GNB1L: variants seen among roughly 807,000 people sequenced by gnomAD.
The protein encoded by GNB1L is G protein subunit beta 1 like, also known as guanine nucleotide-binding protein subunit beta-like protein 1.
GNB1L carries 20 observed loss-of-function variants against 29.1 expected under a neutral mutation model. The ratio of observed to expected loss-of-function variants is 0.69; its 90% CI spans 0.48 to 1.00. The LOEUF (loss-of-function observed/expected upper bound fraction) is 1.00, where lower values mean the gene tolerates loss of function less well. Among genes scored for constraint, GNB1L ranks in the 50% least tolerant of loss-of-function variants. The pLI is 0.00. For synonymous variants in GNB1L, 193 were observed against 206.5 expected (o/e 0.93, Z 0.56); for missense variants, 421 against 464.9 (o/e 0.91, Z 0.87).
At chr22:19,836,333 G>C (rs1937764389) in intron 2 of GNB1L, among the ~76,000 whole-genome samples, 1 of 152,018 alleles carries the variant, frequency 6.6e-6, no homozygotes, top group African/African-American at 2.4e-5. Context: ...TGTGAAGAAA[G>C]AGAAGACCTG....
intron 2 of GNB1L, chr22:19,851,946 T>C: frequency 7.4e-6 from 12 of 1,613,954 alleles, no homozygotes; most frequent in Non-Finnish European, 9.3e-6. Context: ...CCATCAAAGG[T>C]GCCTGGGTCT....
intron 2 of GNB1L, among the ~76,000 whole-genome samples, chr22:19,839,482 G>T (rs1226458354): frequency 1.3e-5 from 2 of 152,150 alleles, no homozygotes; most frequent in African/African-American, 4.8e-5. Flanking sequence ...AGTGGTTCAT[G>T]CCTCTAATCC....
intron 7 of GNB1L, among the ~76,000 whole-genome samples, chr22:19,794,640 A>G (rs997956972): frequency 1.3e-5 from 2 of 152,252 alleles, no homozygotes; most frequent in African/African-American, 4.8e-5. Flanking sequence ...GTCAATAATT[A>G]CAGTGAATGC....
At position 19,802,135 on chromosome 22, in the gene GNB1L, CCTT is replaced by C. The variant is rs879229900; in HGVS notation, c.595_597del (p.Lys199del). On this transcript the variant is annotated inframe_deletion, in exon 7 of 8. Transcript: ENST00000329517. Reference sequence around the variant, plus strand: ...TCATGGCAGGCGATGCGGCTGCACACCTTCTGCTCAGAGACGTCCCACAGGACC... The same window carrying C: ...TCATGGCAGGCGATGCGGCTGCACACCTGCTCAGAGACGTCCCACAGGACC... 6.2e-7 allele frequency: 1 copy of C among 1,613,340 alleles called. No individual in the cohort carries two copies. The highest frequency in any genetic ancestry group is 8.5e-7 in the Non-Finnish European group (1 of 1,180,012).
chr22:19,832,999 G>A (rs575597307), intron 2 of GNB1L, among the ~76,000 whole-genome samples: 19 of 152,352 alleles, frequency 1.2e-4, no homozygotes, highest in Admixed American at 9.8e-4. Context: ...CACAGCCCAC[G>A]GAGGGCGAGA....
intron 2 of GNB1L, chr22:19,849,732 C>T: frequency 1.0e-6 from 1 of 985,414 alleles, no homozygotes; most frequent in Non-Finnish European, 1.2e-6. Flanking sequence ...GGCTGTATTT[C>T]CAATTCACAT....
At chr22:19,830,856 G>A (rs1283661928) in intron 2 of GNB1L, among the ~76,000 whole-genome samples, 1 of 152,142 alleles carries the variant, frequency 6.6e-6, no homozygotes, top group Non-Finnish European at 1.5e-5. Flanking sequence ...GAAATAGAAA[G>A]CCTAGAAATA....
chr22:19,800,969 G>A (rs1937363489), intron 7 of GNB1L, among the ~76,000 whole-genome samples: 1 of 152,226 alleles, frequency 6.6e-6, no homozygotes, highest in South Asian at 2.1e-4. Context: ...AGGCGCAGCA[G>A]GCTTGCTGGG....
intron 4 of GNB1L, among the ~76,000 whole-genome samples, 178 bp from the exon 5 acceptor site, chr22:19,812,625 T>C (rs1319132824): frequency 6.6e-6 from 1 of 152,178 alleles, no homozygotes; most frequent in Non-Finnish European, 1.5e-5. Context: ...CATTGACACT[T>C]GAGCCAGCAC....
chr22:19,817,800 TG>T (rs1432176920), intron 4 of GNB1L, among the ~76,000 whole-genome samples: 1 of 152,120 alleles, frequency 6.6e-6, no homozygotes, highest in Non-Finnish European at 1.5e-5. Context: ...GACTGGAAGG[TG>T]GTTGCTCAGG....
chr22:19,810,221 G>A (rs909087475), intron 5 of GNB1L, among the ~76,000 whole-genome samples: 1 of 152,150 alleles, frequency 6.6e-6, no homozygotes, highest in Non-Finnish European at 1.5e-5. Flanking sequence ...GGAGGGCTGC[G>A]GAGGAGGCAG....
At chr22:19,792,623 G>C in intron 7 of GNB1L, 1 of 1,595,996 alleles carries the variant, frequency 6.3e-7, no homozygotes, top group Non-Finnish European at 8.5e-7. Context: ...AGCAAGAGAA[G>C]AAGCAGAGAC....
chr22:19,836,536 G>A (rs548009674), intron 2 of GNB1L, among the ~76,000 whole-genome samples: 3 of 152,272 alleles, frequency 2.0e-5, no homozygotes, highest in Admixed American at 2.0e-4. Flanking sequence ...AATTTGATGA[G>A]GCTAGCACTA....
At chr22:19,854,304 A>ACCCAGGAGC (rs1938183930) in intron 2 of GNB1L, 139 bp downstream of exon 2, 1 of 152,374 alleles carries the variant, frequency 6.6e-6, no homozygotes, top group African/African-American at 2.4e-5. Context: ...CTCTGGGGAG[A>ACCCAGGAGC]CCCAGGAGCC....
chr22:19,822,071 C>A (rs1324500968), intron 2 of GNB1L, among the ~76,000 whole-genome samples: 1 of 152,120 alleles, frequency 6.6e-6, no homozygotes, highest in African/African-American at 2.4e-5. Context: ...TAGGAGGAGC[C>A]TTCCTCTCAC....
Position 19,821,208 on chromosome 22 carries a change from C to T in GNB1L, c.128+20G>A. ...TGACTTGGCCCTGGGTGGCCTGGGG[C>T]TGGGGCCACAGCTACTCACCCTGAG... On this transcript the variant is annotated intron_variant, in intron 3 of 7. Coordinates refer to ENST00000329517, the MANE Select transcript of GNB1L (RefSeq NM_053004.3). 2 of 1,601,206 alleles carry T rather than the reference C, an allele frequency of 1.2e-6. No homozygotes were observed. Among genetic ancestry groups the T allele is most frequent in the Non-Finnish European group, 1.7e-6 (2 of 1,172,454 alleles).
chr22:19,789,828 C>T (rs1429108010), intron 7 of GNB1L, among the ~76,000 whole-genome samples: 2 of 135,686 alleles, frequency 1.5e-5, no homozygotes, highest in African/African-American at 5.7e-5. Context: ...CAGAGTGAGA[C>T]CCTGTCTCAA....
chr22:19,848,087 T>G, intron 2 of GNB1L: 1 of 985,336 alleles, frequency 1.0e-6, no homozygotes, highest in Non-Finnish European at 1.2e-6. Flanking sequence ...CTATTGTGGC[T>G]TTATAAAATA....
At chr22:19,830,529 G>C (rs900986268) in intron 2 of GNB1L, among the ~76,000 whole-genome samples, 1 of 152,102 alleles carries the variant, frequency 6.6e-6, no homozygotes, top group Non-Finnish European at 1.5e-5. Context: ...TCTCTTGGAA[G>C]ACACAAAAGT....
Sources: gnomAD v4.1 joint callset for allele counts (sites outside exome capture counted in the v4.1 genomes callset) on GRCh38, gnomAD v4.1.1 for gene constraint, MANE v1.5 for transcripts, NCBI Gene and HGNC (gene_info 2026-07-23, HGNC 2026-07-21) for gene names.